Variants in GLG1 observed in about 807,000 individuals in gnomAD.
GLG1 encodes golgi glycoprotein 1, also known as Golgi apparatus protein 1.
In GLG1, 38 loss-of-function variants were observed where a neutral mutation model predicts 160.5. The observed-to-expected ratio is 0.24, with a 90% CI of 0.18 to 0.31. The LOEUF is 0.31. GLG1 is among the 10% of genes least tolerant of loss of function. The probability of loss-of-function intolerance (pLI) is 1.00; values close to 1 mark genes in which losing one functional copy is unlikely to be tolerated. For missense variants in GLG1, 1,373 were observed against 1,505.2 expected (o/e 0.91, Z 1.45); for synonymous variants, 644 against 543.4 (o/e 1.19, Z -2.57).
At chr16:74,545,324 G>A (rs1305469246) in intron 1 of GLG1, among the ~76,000 whole-genome samples, 1 of 152,092 alleles carries the variant, frequency 6.6e-6, no homozygotes, top group Non-Finnish European at 1.5e-5. Flanking sequence ...GGGACTACAG[G>A]TGCATGCCAC....
chr16:74,527,520 G>A (rs1355342884), intron 2 of GLG1, among the ~76,000 whole-genome samples: 1 of 151,984 alleles, frequency 6.6e-6, no homozygotes, highest in African/African-American at 2.4e-5. Context: ...AAAGTGCTGG[G>A]ATTACAGGCG....
At chr16:74,532,460 C>A (rs905896627) in intron 1 of GLG1, among the ~76,000 whole-genome samples, 2 of 152,044 alleles carry the variant, frequency 1.3e-5, no homozygotes, top group African/African-American at 4.8e-5. Context: ...ATAAGGACTC[C>A]TACAGGACAC....
At chr16:74,534,187 A>G (rs1225140691) in intron 1 of GLG1, among the ~76,000 whole-genome samples, 2 of 151,996 alleles carry the variant, frequency 1.3e-5, no homozygotes, top group African/African-American at 4.8e-5. Context: ...AGATACTTTA[A>G]TGCCTTTTTA....
At chr16:74,476,489 G>T (rs2015394094) in intron 12 of GLG1, among the ~76,000 whole-genome samples, 1 of 152,156 alleles carries the variant, frequency 6.6e-6, no homozygotes, top group Admixed American at 6.6e-5. Flanking sequence ...CTGTACGTGT[G>T]ACTTTTTCAT....
intron 1 of GLG1, among the ~76,000 whole-genome samples, chr16:74,597,179 T>C (rs1958325997): frequency 6.6e-6 from 1 of 150,900 alleles, no homozygotes; most frequent in African/African-American, 2.4e-5. Flanking sequence ...ACGCCTGTAA[T>C]CCCAGCACTT....
At chr16:74,474,230 G>A (rs2015318273) in intron 13 of GLG1, 1 of 203,438 alleles carries the variant, frequency 4.9e-6, no homozygotes, top group South Asian at 1.3e-4. Flanking sequence ...GGGATTCAAG[G>A]CGTGAGCCAC....
At chr16:74,568,898 G>A (rs76565524) in intron 1 of GLG1, among the ~76,000 whole-genome samples, 2,934 of 152,218 alleles carry the variant, frequency 0.019, 39 homozygotes, top group Non-Finnish European at 0.028. Context: ...CTTCTTAAAA[G>A]CAATAAAGAG....
chr16:74,603,795 G>A (rs1958500663), intron 1 of GLG1, among the ~76,000 whole-genome samples: 1 of 151,854 alleles, frequency 6.6e-6, no homozygotes, highest in African/African-American at 2.4e-5. Flanking sequence ...AACAGCCCAG[G>A]GAATATTTTT....
intron 4 of GLG1, among the ~76,000 whole-genome samples, chr16:74,500,410 T>C (rs1016831848): frequency 2.0e-5 from 3 of 151,852 alleles, no homozygotes; most frequent in African/African-American, 7.3e-5. Flanking sequence ...TTTAGAAGTT[T>C]GATAGGCAGT....
intron 1 of GLG1, among the ~76,000 whole-genome samples, chr16:74,572,686 T>A (rs1176863110): frequency 6.6e-6 from 1 of 152,194 alleles, no homozygotes; most frequent in Non-Finnish European, 1.5e-5. Flanking sequence ...AACTGGCTGT[T>A]CATCTGTGTC....
intron 22 of GLG1, 92 bp from the exon 23 acceptor site, chr16:74,459,881 A>G (rs981605474): frequency 7.6e-6 from 5 of 655,502 alleles, no homozygotes; most frequent in Non-Finnish European, 1.3e-5. Flanking sequence ...TTTGAAACAG[A>G]GCCAAGCTCT....
At chr16:74,543,535 T>C (rs984991608) in intron 1 of GLG1, among the ~76,000 whole-genome samples, 13 of 152,114 alleles carry the variant, frequency 8.5e-5, no homozygotes, top group Non-Finnish European at 1.2e-4. Flanking sequence ...GTAATGTGCA[T>C]AAAAATCTGA....
intron 1 of GLG1, among the ~76,000 whole-genome samples, chr16:74,568,989 G>C (rs1017104668): frequency 2.6e-5 from 4 of 152,236 alleles, no homozygotes; most frequent in Admixed American, 6.5e-5. Flanking sequence ...GAGCTCAAAA[G>C]CTCACTTCTG....
At chr16:74,518,939 G>A (rs561158966) in intron 2 of GLG1, among the ~76,000 whole-genome samples, 7 of 152,224 alleles carry the variant, frequency 4.6e-5, no homozygotes, top group Admixed American at 1.3e-4. Flanking sequence ...ATTCCTCAAG[G>A]ATCTAGAACT....
intron 4 of GLG1, among the ~76,000 whole-genome samples, chr16:74,502,722 GTTTTT>G (rs745410150): frequency 8.2e-5 from 9 of 109,574 alleles, no homozygotes; most frequent in South Asian, 3.2e-4. Flanking sequence ...TTTGTTTTTG[GTTTTT>G]TTTTTTTTTT....
chr16:74,536,127 C>T (rs537215704), intron 1 of GLG1, among the ~76,000 whole-genome samples: 22 of 152,286 alleles, frequency 1.4e-4, no homozygotes, highest in Admixed American at 1.1e-3. Flanking sequence ...TCTCAAGGAA[C>T]GAAAACAGAT....
intron 16 of GLG1, 37 bp downstream of exon 16, chr16:74,469,938 AAGAGGAACTT>A: frequency 8.4e-7 from 1 of 1,193,074 alleles, no homozygotes; most frequent in Non-Finnish European, 1.3e-6. Context: ...TTCCGGAGCT[AAGAGGAACTT>A]CGGGAAAGTG....
chr16:74,573,333 AT>A (rs1033386097), intron 1 of GLG1, among the ~76,000 whole-genome samples: 3 of 152,166 alleles, frequency 2.0e-5, no homozygotes, highest in East Asian at 1.9e-4. Flanking sequence ...GGGTAAATAT[AT>A]TTTTTTTAAA....
At chr16:74,572,213 A>G (rs2018848994) in intron 1 of GLG1, among the ~76,000 whole-genome samples, 2 of 152,200 alleles carry the variant, frequency 1.3e-5, no homozygotes, top group Admixed American at 1.3e-4. Context: ...TGAAGACTCC[A>G]TAAAAACCCC....
Sources: allele counts gnomAD v4.1 joint callset (sites outside exome capture counted in the v4.1 genomes callset), GRCh38; gene constraint gnomAD v4.1.1; transcripts MANE v1.5; gene names NCBI Gene and HGNC (gene_info 2026-07-23, HGNC 2026-07-21).